TMEM117: variants seen among roughly 807,000 people sequenced by gnomAD.
TMEM117 encodes the protein transmembrane protein 117.
In TMEM117, 27 loss-of-function variants were observed where a neutral mutation model predicts 52.4. The observed-to-expected ratio is 0.51, with a 90% confidence interval of 0.38 to 0.71. The LOEUF is 0.71. TMEM117 is among the 30% of genes least tolerant of loss of function. The probability of loss-of-function intolerance (pLI) is 0.00; values close to 1 mark genes in which losing one functional copy is unlikely to be tolerated. For synonymous variants in TMEM117, 215 were observed against 206.3 expected (o/e 1.04, Z -0.36); for missense variants, 556 against 630.5 (o/e 0.88, Z 1.26).
At chr12:44,373,773 T>A (rs1041768432) in intron 6 of TMEM117, among the ~76,000 whole-genome samples, 2 of 15,264 alleles carry the variant, frequency 1.3e-4, no homozygotes, top group Admixed American at 2.1e-3. Flanking sequence ...TCCATTTCCT[T>A]TTTTTTTTTT....
intron 6 of TMEM117, among the ~76,000 whole-genome samples, chr12:44,350,650 A>G (rs929858650): frequency 2.0e-5 from 3 of 151,994 alleles, no homozygotes; most frequent in African/African-American, 7.2e-5. Context: ...TATTTCACTT[A>G]ACATAATGAC....
At chr12:44,384,103 G>T (rs908305199) in intron 7 of TMEM117, among the ~76,000 whole-genome samples, 2 of 151,940 alleles carry the variant, frequency 1.3e-5, no homozygotes, top group Non-Finnish European at 2.9e-5. Context: ...CATCTGATAG[G>T]GCAAAAGGAA....
intron 3 of TMEM117, among the ~76,000 whole-genome samples, chr12:43,952,927 C>T (rs1011809701): frequency 6.6e-6 from 1 of 152,262 alleles, no homozygotes; most frequent in Non-Finnish European, 1.5e-5. Context: ...GGAAGCCCAT[C>T]AGACTAACAG....
chr12:43,990,771 G>A (rs1174114370), intron 3 of TMEM117, among the ~76,000 whole-genome samples: 1 of 152,108 alleles, frequency 6.6e-6, no homozygotes, highest in Admixed American at 6.5e-5. Flanking sequence ...AGAGGCATAA[G>A]AGACCTGCCC....
chr12:43,993,790 G>A (rs1203637780), intron 3 of TMEM117, among the ~76,000 whole-genome samples: 2 of 152,042 alleles, frequency 1.3e-5, no homozygotes, highest in Non-Finnish European at 2.9e-5. Flanking sequence ...AACCTCCAGG[G>A]CTCAAGTGAT....
chr12:44,190,877 A>T (rs1212093448), intron 4 of TMEM117, among the ~76,000 whole-genome samples: 2 of 148,384 alleles, frequency 1.3e-5, no homozygotes, highest in Non-Finnish European at 3.0e-5. Context: ...AGAGAGATAC[A>T]TACATACATA....
At chr12:44,058,977 A>G (rs578040364) in intron 3 of TMEM117, among the ~76,000 whole-genome samples, 1 of 152,282 alleles carries the variant, frequency 6.6e-6, no homozygotes, top group South Asian at 2.1e-4. Flanking sequence ...GGAGGTGGGC[A>G]TATGGTTTAG....
intron 3 of TMEM117, among the ~76,000 whole-genome samples, chr12:44,102,026 G>A (rs1361191744): frequency 6.6e-6 from 1 of 151,954 alleles, no homozygotes; most frequent in Admixed American, 6.6e-5. Flanking sequence ...GGGCTTGGGG[G>A]AATTTGTGGA....
intron 6 of TMEM117, among the ~76,000 whole-genome samples, chr12:44,318,635 G>T (rs1209220286): frequency 1.3e-5 from 2 of 152,100 alleles, no homozygotes; most frequent in Non-Finnish European, 2.9e-5. Context: ...AAGAGCAGGT[G>T]TTCTCAATGG....
chr12:44,204,519 A>G (rs1592603945), intron 4 of TMEM117, among the ~76,000 whole-genome samples: 1 of 149,766 alleles, frequency 6.7e-6, no homozygotes, highest in East Asian at 1.9e-4. Flanking sequence ...ATTCAGTGCT[A>G]TTTCTACCAT....
At chr12:44,169,213 C>T (rs947212035) in intron 4 of TMEM117, among the ~76,000 whole-genome samples, 1 of 152,124 alleles carries the variant, frequency 6.6e-6, no homozygotes, top group Non-Finnish European at 1.5e-5. Context: ...TGAGTACATA[C>T]CCTGAAGTGG....
chr12:44,115,691 T>C (rs1948129359), intron 3 of TMEM117, among the ~76,000 whole-genome samples: 3 of 152,222 alleles, frequency 2.0e-5, no homozygotes, highest in Admixed American at 2.0e-4. Context: ...ATAGTCATTA[T>C]AATTTTCATA....
chr12:44,146,806 G>A (rs1948649129), intron 4 of TMEM117, among the ~76,000 whole-genome samples: 1 of 152,158 alleles, frequency 6.6e-6, no homozygotes, highest in Non-Finnish European at 1.5e-5. Context: ...TCATGGAAAA[G>A]CAACTATTTA....
chr12:44,325,845 TA>T (rs1951187868), intron 6 of TMEM117, among the ~76,000 whole-genome samples: 1 of 152,062 alleles, frequency 6.6e-6, no homozygotes, highest in South Asian at 2.1e-4. Flanking sequence ...ATAAAACATA[TA>T]AAAAAGGTCA....
At chr12:43,941,469 C>A (rs1429099797) in intron 2 of TMEM117, among the ~76,000 whole-genome samples, 1 of 152,178 alleles carries the variant, frequency 6.6e-6, no homozygotes. Flanking sequence ...TATATAGTCA[C>A]CCTAAAGGGC....
intron 6 of TMEM117, among the ~76,000 whole-genome samples, chr12:44,362,620 G>A (rs1951735814): frequency 6.6e-6 from 1 of 151,820 alleles, no homozygotes; most frequent in Non-Finnish European, 1.5e-5. Flanking sequence ...TGTTAACTAG[G>A]ATAGCAAAAC....
intron 3 of TMEM117, among the ~76,000 whole-genome samples, chr12:44,119,673 G>T (rs1458185553): frequency 6.6e-6 from 1 of 152,158 alleles, no homozygotes; most frequent in Admixed American, 6.5e-5. Context: ...GGGGCTGTGT[G>T]TAGGAGCTTT....
intron 1 of TMEM117, among the ~76,000 whole-genome samples, chr12:43,837,046 A>AT (rs144332124): frequency 0.088 from 13,313 of 151,028 alleles, 725 homozygotes; most frequent in African/African-American, 0.15. Flanking sequence ...TGTAAACCCC[A>AT]TTTTTTTTTG....
At chr12:44,249,461 T>C (rs555931721) in intron 5 of TMEM117, among the ~76,000 whole-genome samples, 6 of 152,264 alleles carry the variant, frequency 3.9e-5, no homozygotes, top group African/African-American at 1.4e-4. Flanking sequence ...AAACTACCAT[T>C]GAAATTCTTC....
Sources: gnomAD v4.1 joint callset for allele counts (sites outside exome capture counted in the v4.1 genomes callset) on GRCh38, gnomAD v4.1.1 for gene constraint, MANE v1.5 for transcripts, NCBI Gene and HGNC (gene_info 2026-07-23, HGNC 2026-07-21) for gene names.